Variants in EDIL3 observed in about 807,000 individuals in gnomAD.
The protein encoded by EDIL3 is EGF-like repeat and discoidin I-like domain-containing protein 3.
EDIL3 carries 37 observed loss-of-function variants against 67.4 expected under a neutral mutation model. The ratio of observed to expected loss-of-function variants is 0.55; its 90% confidence interval spans 0.42 to 0.72. The LOEUF is 0.72. Ranked by LOEUF, EDIL3 falls within the 30% of genes least tolerant of loss-of-function variation. The pLI is 0.00. For missense variants in EDIL3, 527 were observed against 586.3 expected, an observed-to-expected ratio of 0.90 and a Z score of 1.04; for synonymous variants, 195 against 196.3, an observed-to-expected ratio of 0.99 and a Z score of 0.05.
chr5:84,014,005 T>A (rs1745558438), intron 9 of EDIL3, among the ~76,000 whole-genome samples: 1 of 152,194 alleles, frequency 6.6e-6, no homozygotes, highest in African/African-American at 2.4e-5. Context: ...GCTACTTATA[T>A]CATGTTTGAC....
intron 5 of EDIL3, among the ~76,000 whole-genome samples, chr5:84,133,565 G>A (rs1000386442): frequency 6.6e-6 from 1 of 151,472 alleles, no homozygotes; most frequent in African/African-American, 2.4e-5. Flanking sequence ...GAACCCAGGA[G>A]GCAGTGAGCC....
At chr5:84,342,363 C>T (rs540065375) in intron 1 of EDIL3, among the ~76,000 whole-genome samples, 6 of 151,978 alleles carry the variant, frequency 3.9e-5, no homozygotes, top group South Asian at 4.2e-4. Context: ...ATGACAAATA[C>T]GTTTGCACCA....
chr5:84,128,268 A>C (rs542329371), intron 5 of EDIL3, among the ~76,000 whole-genome samples: 13 of 152,224 alleles, frequency 8.5e-5, no homozygotes, highest in African/African-American at 3.1e-4. Context: ...CATTTGGTGA[A>C]AGATCAGGAA....
chr5:84,091,938 C>T (rs887667142), intron 6 of EDIL3, among the ~76,000 whole-genome samples: 3 of 152,102 alleles, frequency 2.0e-5, no homozygotes, highest in African/African-American at 4.8e-5. Context: ...GTTTCAGATT[C>T]GCAAGGGAAT....
intron 1 of EDIL3, among the ~76,000 whole-genome samples, chr5:84,341,837 T>C (rs1000249263): frequency 6.6e-6 from 1 of 152,062 alleles, no homozygotes; most frequent in African/African-American, 2.4e-5. Context: ...TTTATATACC[T>C]GAATGTCCCT....
At chr5:84,371,872 C>G (rs962197701) in intron 1 of EDIL3, among the ~76,000 whole-genome samples, 4 of 151,838 alleles carry the variant, frequency 2.6e-5, no homozygotes, top group Non-Finnish European at 5.9e-5. Flanking sequence ...AACAATAAAC[C>G]ATCACTTCCT....
chr5:84,028,033 C>G (rs146077342), intron 9 of EDIL3, among the ~76,000 whole-genome samples: 18 of 152,210 alleles, frequency 1.2e-4, no homozygotes, highest in South Asian at 4.1e-4. Flanking sequence ...ACTCCAGTGT[C>G]CCAAGAATAA....
rs1316074479 is a variant in EDIL3, at chr5:84,132,429, T to A, written c.469+4812A>T. On this transcript the variant is annotated intron_variant, in intron 5 of 10. Transcript: ENST00000296591. ...ATTTTAACATATATTATATATTTTATATATAATATATATTTTAACATATAT... is the reference window on the plus strand; with the variant it reads ...ATTTTAACATATATTATATATTTTAAATATAATATATATTTTAACATATAT... Among the ~76,000 whole-genome samples the A allele has an allele frequency of 4.0e-5, 4 of 101,174 alleles. No homozygotes were observed. In the South Asian group the frequency reaches 7.5e-4, roughly 19 times the overall value. The allele number at this position is 101,174 out of a possible 152,430, so 66.4% of individuals were successfully genotyped here. A position where few individuals can be genotyped will look rare whatever the true frequency, so the allele number is the denominator to read the frequency against.
intron 5 of EDIL3, among the ~76,000 whole-genome samples, chr5:84,117,720 CT>C (rs568216427): frequency 6.7e-5 from 10 of 149,640 alleles, no homozygotes; most frequent in African/African-American, 1.5e-4. Context: ...GGACTTAATA[CT>C]TTTTTTTTCA....
chr5:84,026,134 A>C (rs1424452200), intron 9 of EDIL3, among the ~76,000 whole-genome samples: 1 of 152,228 alleles, frequency 6.6e-6, no homozygotes, highest in African/African-American at 2.4e-5. Flanking sequence ...AATATCCAAG[A>C]TGATCTCACT....
intron 9 of EDIL3, among the ~76,000 whole-genome samples, chr5:83,975,811 A>G (rs72774740): frequency 0.24 from 37,146 of 151,764 alleles, 5,073 homozygotes; most frequent in South Asian, 0.37. Context: ...CAGAAAATTA[A>G]CTTACAGTGG....
intron 4 of EDIL3, among the ~76,000 whole-genome samples, chr5:84,168,075 T>C (rs2112346008): frequency 6.6e-6 from 1 of 152,336 alleles, no homozygotes; most frequent in African/African-American, 2.4e-5. Context: ...TTCTCTAAAC[T>C]TCTAGGCTAT....
chr5:83,972,677 A>G (rs562913952), intron 9 of EDIL3, among the ~76,000 whole-genome samples: 3 of 152,192 alleles, frequency 2.0e-5, no homozygotes, highest in Admixed American at 1.3e-4. Context: ...TATACGAATG[A>G]AAGTCCATCC....
intron 4 of EDIL3, among the ~76,000 whole-genome samples, chr5:84,176,790 CGT>C (rs1369292417): frequency 4.1e-5 from 6 of 146,440 alleles, no homozygotes; most frequent in South Asian, 4.6e-4. Flanking sequence ...TGAGCGCATG[CGT>C]GTGTTTCACA....
chr5:84,212,116 A>G (rs769861031), intron 3 of EDIL3, among the ~76,000 whole-genome samples: 2 of 151,998 alleles, frequency 1.3e-5, no homozygotes, highest in Non-Finnish European at 2.9e-5. Context: ...TTTTATGGGT[A>G]TTTATCTACT....
intron 9 of EDIL3, among the ~76,000 whole-genome samples, chr5:83,966,577 G>A (rs538890655): frequency 1.3e-5 from 2 of 152,084 alleles, no homozygotes; most frequent in South Asian, 2.1e-4. Flanking sequence ...CTACTCTAAC[G>A]GAACTGGGTG....
rs67762520 is a variant in EDIL3 at position 84,037,988 on chromosome 5, G to GTTTT, written c.1137+22308_1137+22311dup. On this transcript the variant is annotated intron_variant, in intron 9 of 10. Transcript: ENST00000296591. The stretch of plus-strand genomic sequence containing the variant: ...TTCTCTTTTCTTTTCTTTCTTTCTT[G>GTTTT]TTTTTTTTTTTTTTTTTTTTTTTGA... Among the ~76,000 whole-genome samples, 63 of 99,684 alleles carry GTTTT rather than the reference G, an allele frequency of 6.3e-4. 8 individuals are homozygous for GTTTT. Among genetic ancestry groups the GTTTT allele is most frequent in the African/African-American group, 1.7e-3 (37 of 22,188 alleles). The allele number at this position is 99,684 out of a possible 152,430, so 65.4% of individuals were successfully genotyped here.
chr5:84,098,070 A>G (rs1747296419), intron 6 of EDIL3, among the ~76,000 whole-genome samples: 1 of 151,322 alleles, frequency 6.6e-6, no homozygotes, highest in South Asian at 2.1e-4. Context: ...ATCTACATAA[A>G]GAAATAAAGC....
intron 4 of EDIL3, among the ~76,000 whole-genome samples, chr5:84,144,270 TTTCC>T (rs61382462): frequency 0.035 from 5,247 of 147,950 alleles, 250 homozygotes; most frequent in African/African-American, 0.11. Context: ...CCCTTCCTCC[TTTCC>T]TTCCTTCCTT....
Sources: gnomAD v4.1 joint callset for allele counts (sites outside exome capture counted in the v4.1 genomes callset) on GRCh38, gnomAD v4.1.1 for gene constraint, MANE v1.5 for transcripts, NCBI Gene and HGNC (gene_info 2026-07-23, HGNC 2026-07-21) for gene names.